Variants in NCAM2 observed in about 807,000 individuals in gnomAD.
NCAM2 encodes the protein N-CAM-2.
In NCAM2, 30 loss-of-function variants were observed where a neutral mutation model predicts 98.1. That is an observed-to-expected ratio of 0.31 (90% CI 0.23 to 0.41). The LOEUF (loss-of-function observed/expected upper bound fraction) is 0.41, where lower values mean the gene tolerates loss of function less well. Among genes scored for constraint, NCAM2 ranks in the 10% least tolerant of loss-of-function variants. The probability of loss-of-function intolerance (pLI) is 1.00; values close to 1 mark genes in which losing one functional copy is unlikely to be tolerated. For missense variants in NCAM2, 867 were observed against 1,005.8 expected (o/e 0.86, Z 1.87); for synonymous variants, 368 against 342.4 (o/e 1.07, Z -0.83).
At chr21:21,488,198 A>T (rs975865830) in intron 15 of NCAM2, among the ~76,000 whole-genome samples, 4 of 151,952 alleles carry the variant, frequency 2.6e-5, no homozygotes, top group Non-Finnish European at 4.4e-5. Context: ...GTTCTTTTTA[A>T]ATTAACAAAG....
intron 1 of NCAM2, among the ~76,000 whole-genome samples, chr21:21,033,210 A>G (rs1298216819): frequency 6.6e-6 from 1 of 152,082 alleles, no homozygotes; most frequent in Non-Finnish European, 1.5e-5. Context: ...TGGCCTCCCA[A>G]AGTGCTGGGA....
intron 1 of NCAM2, among the ~76,000 whole-genome samples, chr21:21,123,287 G>C (rs545446741): frequency 2.6e-5 from 4 of 151,904 alleles, no homozygotes; most frequent in Non-Finnish European, 5.9e-5. Flanking sequence ...CCAGCTACTC[G>C]GGAGGCTGAG....
intron 1 of NCAM2, among the ~76,000 whole-genome samples, chr21:21,019,736 T>C (rs111713604): frequency 0.01 from 1,554 of 152,312 alleles, 23 homozygotes; most frequent in African/African-American, 0.035. Context: ...ATGTTTATCT[T>C]GAGGTAGTTA....
chr21:21,335,072 T>C (rs941241426), intron 6 of NCAM2, among the ~76,000 whole-genome samples: 3 of 152,080 alleles, frequency 2.0e-5, no homozygotes, highest in Admixed American at 6.6e-5. Context: ...GAAGCTTCTG[T>C]GAAGAAATTT....
At chr21:21,385,911 C>A (rs902521584) in intron 9 of NCAM2, among the ~76,000 whole-genome samples, 1 of 151,964 alleles carries the variant, frequency 6.6e-6, no homozygotes, top group African/African-American at 2.4e-5. Context: ...TAGAAATTTT[C>A]ATTTACTTTT....
At chr21:21,237,907 T>G (rs1469663285) in intron 1 of NCAM2, among the ~76,000 whole-genome samples, 2 of 151,438 alleles carry the variant, frequency 1.3e-5, no homozygotes, top group African/African-American at 4.8e-5. Flanking sequence ...CTTTAAAGAA[T>G]CTTTCATTTC....
intron 1 of NCAM2, among the ~76,000 whole-genome samples, chr21:21,231,977 T>C (rs2070645095): frequency 6.6e-6 from 1 of 151,596 alleles, no homozygotes; most frequent in Non-Finnish European, 1.5e-5. Context: ...GCTTTCTTAA[T>C]TGTAATACAT....
At chr21:21,350,480 T>A (rs1335573928) in intron 8 of NCAM2, among the ~76,000 whole-genome samples, 1 of 152,134 alleles carries the variant, frequency 6.6e-6, no homozygotes, top group Non-Finnish European at 1.5e-5. Context: ...GGGAAAAAAA[T>A]TATGCCTTTT....
intron 6 of NCAM2, 32 bp downstream of exon 6, chr21:21,324,532 T>C (rs1263761873): frequency 7.0e-7 from 1 of 1,430,258 alleles, no homozygotes; most frequent in South Asian, 1.2e-5. Flanking sequence ...CTCTGGCTTG[T>C]GTCCATTATC....
chr21:21,437,599 C>T (rs2063339117), intron 12 of NCAM2, among the ~76,000 whole-genome samples: 2 of 151,324 alleles, frequency 1.3e-5, no homozygotes, highest in Admixed American at 6.6e-5. Context: ...TTTTTTTAAC[C>T]CACTGAGGCC....
At chr21:21,126,774 A>G (rs1308155296) in intron 1 of NCAM2, among the ~76,000 whole-genome samples, 1 of 152,040 alleles carries the variant, frequency 6.6e-6, no homozygotes, top group Admixed American at 6.6e-5. Context: ...ATTAGCTGTA[A>G]TGTTGAAAAA....
chr21:21,158,596 A>G (rs1031552629), intron 1 of NCAM2, among the ~76,000 whole-genome samples: 1 of 122,464 alleles, frequency 8.2e-6, no homozygotes, highest in African/African-American at 3.2e-5. Context: ...AGAGTGAGAC[A>G]CCGTCCCCGC....
intron 5 of NCAM2, among the ~76,000 whole-genome samples, chr21:21,302,585 TAAAA>T (rs1433576465): frequency 1.3e-5 from 2 of 152,114 alleles, no homozygotes; most frequent in African/African-American, 2.4e-5. Context: ...AGGCTATTAT[TAAAA>T]AGTCAAAAAA....
chr21:21,449,593 T>C (rs772696410), intron 12 of NCAM2, among the ~76,000 whole-genome samples: 11 of 152,006 alleles, frequency 7.2e-5, no homozygotes, highest in Admixed American at 1.3e-4. Flanking sequence ...TTTGAAATTA[T>C]GCCAACATAT....
At chr21:21,285,179 C>A (rs2073057981) in intron 3 of NCAM2, among the ~76,000 whole-genome samples, 1 of 151,726 alleles carries the variant, frequency 6.6e-6, no homozygotes, top group African/African-American at 2.4e-5. Flanking sequence ...AAAGTACTTA[C>A]AACAATGCCT....
At chr21:21,122,458 C>G (rs1369208678) in intron 1 of NCAM2, among the ~76,000 whole-genome samples, 2 of 152,178 alleles carry the variant, frequency 1.3e-5, no homozygotes, top group African/African-American at 4.8e-5. Context: ...TGAATTTCCA[C>G]AATAATGCTG....
intron 1 of NCAM2, among the ~76,000 whole-genome samples, chr21:21,078,336 C>T (rs1376485471): frequency 6.6e-6 from 1 of 152,144 alleles, no homozygotes; most frequent in Non-Finnish European, 1.5e-5. Flanking sequence ...CTGCTTTGTG[C>T]AGATGTAGCC....
intron 15 of NCAM2, 137 bp downstream of exon 15, chr21:21,477,608 A>T (rs1183539101): frequency 1.2e-5 from 9 of 720,542 alleles, no homozygotes; most frequent in Non-Finnish European, 1.7e-5. Context: ...ATTGTGACAT[A>T]TCATACACAA....
At chr21:21,481,884 G>A (rs1985919771) in intron 15 of NCAM2, among the ~76,000 whole-genome samples, 1 of 152,186 alleles carries the variant, frequency 6.6e-6, no homozygotes, top group Non-Finnish European at 1.5e-5. Context: ...CCGGTGACAA[G>A]GTCGGGAGTT....
Sources: gnomAD v4.1 joint callset for allele counts (sites outside exome capture counted in the v4.1 genomes callset) on GRCh38, gnomAD v4.1.1 for gene constraint, MANE v1.5 for transcripts, NCBI Gene and HGNC (gene_info 2026-07-23, HGNC 2026-07-21) for gene names.